Variants in L2HGDH observed in about 807,000 individuals in gnomAD.
The protein encoded by L2HGDH is L-2-hydroxyglutarate dehydrogenase, also known as L-2-hydroxyglutarate dehydrogenase, mitochondrial.
L2HGDH carries 34 observed loss-of-function variants against 51.5 expected under a neutral mutation model. That is an observed-to-expected ratio of 0.66 (90% confidence interval 0.50 to 0.88). L2HGDH has a LOEUF of 0.88. Ranked by LOEUF, L2HGDH falls within the 40% of genes least tolerant of loss-of-function variation. The probability of loss-of-function intolerance (pLI) is 0.00; values close to 1 mark genes in which losing one functional copy is unlikely to be tolerated. For synonymous variants in L2HGDH, 198 were observed against 197.9 expected (o/e 1.00, Z -0.01); for missense variants, 558 against 571.9 (o/e 0.98, Z 0.25).
chr14:50,311,301 TG>T, intron 1 of L2HGDH: 1 of 455,838 alleles, frequency 2.2e-6, no homozygotes, highest in Non-Finnish European at 4.4e-6. Flanking sequence ...CTTGCTGTGA[TG>T]TAGTCCTTCT....
intron 1 of L2HGDH, among the ~76,000 whole-genome samples, chr14:50,309,456 G>A (rs915173437): frequency 6.6e-6 from 1 of 152,046 alleles, no homozygotes; most frequent in African/African-American, 2.4e-5. Flanking sequence ...CAGCTACTCA[G>A]GAGGCTGAGG....
chr14:50,254,434 T>C (rs187154336), intron 9 of L2HGDH, among the ~76,000 whole-genome samples: 5 of 152,202 alleles, frequency 3.3e-5, no homozygotes, highest in African/African-American at 9.6e-5. Context: ...GAGACGCATA[T>C]GTTTATCAGC....
chr14:50,257,970 T>G (rs1275783718), intron 9 of L2HGDH, among the ~76,000 whole-genome samples: 1 of 151,058 alleles, frequency 6.6e-6, no homozygotes, highest in Non-Finnish European at 1.5e-5. Context: ...CTGGGAGGGG[T>G]TGGATTCAGG....
chr14:50,269,126 T>A, intron 7 of L2HGDH, 37 bp downstream of exon 7: 1 of 1,591,000 alleles, frequency 6.3e-7, no homozygotes, highest in Non-Finnish European at 8.6e-7. Flanking sequence ...CACCACCTGC[T>A]TGAAAAAAAT....
Position 50,244,974 on chromosome 14 carries a change from C to A in L2HGDH, c.*2084G>T, listed in dbSNP as rs894193419. The A allele has an allele frequency of 1.0e-5, 10 of 985,316 alleles. No individual in the cohort carries two copies. Among genetic ancestry groups the A allele is most frequent in the Non-Finnish European group, 1.1e-5 (9 of 829,860 alleles). 61.0% of individuals were successfully genotyped at this position (985,316 alleles called of 1,614,324 possible). On this transcript the variant is annotated 3_prime_UTR_variant, in exon 10 of 10. Coordinates refer to ENST00000267436, the MANE Select transcript of L2HGDH (RefSeq NM_024884.3). ...AGTCAGGTCGCCACATTTTCATTTA[C>A]AATTTCTATTTTCTAACTTTCTAAA...
At chr14:50,260,171 C>T (rs1434335131) in intron 9 of L2HGDH, among the ~76,000 whole-genome samples, 2 of 152,110 alleles carry the variant, frequency 1.3e-5, no homozygotes, top group Non-Finnish European at 2.9e-5. Context: ...ATCCCCAAGA[C>T]CAAGATAGAC....
chr14:50,248,267 T>C (rs743075), intron 9 of L2HGDH, among the ~76,000 whole-genome samples: 83,158 of 151,994 alleles, frequency 0.55, 23,138 homozygotes, highest in East Asian at 0.65. Flanking sequence ...TGTGAAAAAT[T>C]CTATCTTATA....
chr14:50,275,357 C>T (rs1302824972), intron 6 of L2HGDH, among the ~76,000 whole-genome samples: 1 of 152,166 alleles, frequency 6.6e-6, no homozygotes, highest in East Asian at 1.9e-4. Context: ...CTGATGTGGT[C>T]CCTGGACCAC....
At chr14:50,263,789 T>G (rs1889180152) in intron 9 of L2HGDH, among the ~76,000 whole-genome samples, 1 of 151,250 alleles carries the variant, frequency 6.6e-6, no homozygotes, top group Non-Finnish European at 1.5e-5. Context: ...TTTTTTTTTT[T>G]TGTGAGACGG....
intron 5 of L2HGDH, among the ~76,000 whole-genome samples, 171 bp downstream of exon 5, chr14:50,283,699 TA>T (rs1421930558): frequency 6.6e-6 from 1 of 152,102 alleles, no homozygotes. Context: ...ATGTAAATGC[TA>T]TTTTTTTGTT....
chr14:50,291,765 A>C (rs1227782404), intron 4 of L2HGDH, among the ~76,000 whole-genome samples: 1 of 152,198 alleles, frequency 6.6e-6, no homozygotes, highest in South Asian at 2.1e-4. Flanking sequence ...TTTTGCAGAA[A>C]GGATGAAGCA....
chr14:50,252,859 C>T (rs1474926247), intron 9 of L2HGDH, among the ~76,000 whole-genome samples: 1 of 152,088 alleles, frequency 6.6e-6, no homozygotes, highest in African/African-American at 2.4e-5. Flanking sequence ...ACCCCACTTT[C>T]AGTATTGGAT....
intron 9 of L2HGDH, among the ~76,000 whole-genome samples, chr14:50,255,535 T>TC (rs1268206659): frequency 4.8e-4 from 10 of 20,990 alleles, no homozygotes; most frequent in African/African-American, 1.5e-3. Flanking sequence ...AAACTCCATC[T>TC]CCAAAAAAAA....
intron 4 of L2HGDH, among the ~76,000 whole-genome samples, chr14:50,290,511 A>G (rs1890814387): frequency 6.6e-6 from 1 of 152,200 alleles, no homozygotes; most frequent in Admixed American, 6.5e-5. Flanking sequence ...TTTTTATAAG[A>G]GACAGATGGC....
intron 7 of L2HGDH, 85 bp from the exon 8 acceptor site, chr14:50,267,995 A>T (rs907947846): frequency 2.4e-6 from 3 of 1,268,278 alleles, no homozygotes; most frequent in Non-Finnish European, 3.5e-6. Context: ...AACATAAAAC[A>T]CTTTCTTCTC....
In L2HGDH at chr14:50,309,425, G is replaced by C. The variant is rs1387579778; in HGVS notation, c.140+2586C>G. On this transcript the variant is annotated intron_variant, in intron 1 of 9. Transcript: ENST00000267436. ...TCAAAATACAAAATCAGCTGGGCGTGGTGGCACATGCCTGTAATCCCAGCT... is the reference window on the plus strand; with the variant it reads ...TCAAAATACAAAATCAGCTGGGCGTCGTGGCACATGCCTGTAATCCCAGCT... 3.3e-5 allele frequency among the ~76,000 whole-genome samples: 5 copies of C among 152,000 alleles called. No homozygotes were observed. In the East Asian group the frequency reaches 9.7e-4, roughly 29 times the overall value.
rs1430137123 is a variant in L2HGDH at position 50,302,047 on chromosome 14, T to C, written c.378A>G (p.Gln126=). The part of the protein sequence containing the change: ...GAALLYEYCQ[Q]KGISYKQCGK... ...CACACTGCTTGTAGGAAATTCCCTT[T>C]TGCTGACAGTACTCATAGAGGAGGG... is the stretch of plus-strand genomic sequence containing the variant. Residue 126 remains glutamine, a synonymous_variant, in exon 3 of 10, where the codon CAA becomes CAG. Coordinates refer to ENST00000267436, the MANE Select transcript of L2HGDH (RefSeq NM_024884.3). 5 of 1,614,058 alleles carry C rather than the reference T, an allele frequency of 3.1e-6. No individual in the cohort carries two copies. Among genetic ancestry groups the C allele is most frequent in the Non-Finnish European group, 4.2e-6 (5 of 1,180,036 alleles).
At chr14:50,285,413 T>C (rs577646410) in intron 4 of L2HGDH, among the ~76,000 whole-genome samples, 1 of 152,330 alleles carries the variant, frequency 6.6e-6, no homozygotes, top group East Asian at 1.9e-4. Context: ...TTCTAGAATA[T>C]AAGAGTATTT....
chr14:50,284,031 A>G lies in L2HGDH; in HGVS notation c.543T>C (p.Gly181=), dbSNP rs1002367882. 1 of 1,612,896 alleles carries G rather than the reference A, an allele frequency of 6.2e-7. No homozygotes were observed. Among genetic ancestry groups the G allele is most frequent in the Non-Finnish European group, 8.5e-7 (1 of 1,179,064 alleles). ...DIKKKEPYCR[G]LMAIDCPHTG... Reference sequence around the variant, plus strand: ...TATGTGGACAATCAATAGCCATTAGACCCTGAAACAGAATTATGAAAAGAT... The same window carrying G: ...TATGTGGACAATCAATAGCCATTAGGCCCTGAAACAGAATTATGAAAAGAT... Residue 181 remains glycine, a splice_region_variant and synonymous_variant, in exon 5 of 10, where the codon GGT becomes GGC. Transcript: ENST00000267436.
Sources: allele counts gnomAD v4.1 joint callset (sites outside exome capture counted in the v4.1 genomes callset), GRCh38; gene constraint gnomAD v4.1.1; transcripts MANE v1.5; gene names NCBI Gene and HGNC (gene_info 2026-07-23, HGNC 2026-07-21).